Variants in DYSF observed in about 807,000 individuals in gnomAD.
DYSF encodes dysferlin, also known as dystrophy-associated fer-1-like 1.
Under a neutral mutation model 274.9 loss-of-function variants are expected in DYSF, and 212 were observed. The observed-to-expected ratio is 0.77, with a 90% CI of 0.69 to 0.86. DYSF has a LOEUF of 0.86. Ranked by LOEUF, DYSF falls within the 40% of genes least tolerant of loss-of-function variation. The pLI is 0.00. For missense variants in DYSF, 2,666 were observed against 2,783.2 expected (o/e 0.96, Z 0.95); for synonymous variants, 1,091 against 1,078.7 (o/e 1.01, Z -0.22).
At chr2:71,638,810 T>G (rs2094445840) in intron 41 of DYSF, among the ~76,000 whole-genome samples, 1 of 152,236 alleles carries the variant, frequency 6.6e-6, no homozygotes, top group Non-Finnish European at 1.5e-5. Flanking sequence ...CAAGTTTTTG[T>G]GTAGACATAA....
At chr2:71,466,980 T>G (rs542042455) in intron 1 of DYSF, 47 bp downstream of exon 1, 49 of 1,535,758 alleles carry the variant, frequency 3.2e-5, no homozygotes, top group Non-Finnish European at 4.2e-5. Flanking sequence ...GCTACCCGAC[T>G]CTCGGCGCTC....
At chr2:71,647,006 C>G (rs962803382) in intron 42 of DYSF, among the ~76,000 whole-genome samples, 3 of 121,798 alleles carry the variant, frequency 2.5e-5, no homozygotes, top group Non-Finnish European at 5.5e-5. Context: ...AATGAAAAGA[C>G]TCTCAAATAT....
Position 71,656,124 on chromosome 2 carries a change from TGTCTC to T in DYSF, c.4627-37_4627-33del, listed in dbSNP as rs754497319. 7 of 1,613,784 alleles carry T rather than the reference TGTCTC, an allele frequency of 4.3e-6. No homozygotes were observed. In the Admixed American group the frequency reaches 1.2e-4, roughly 27 times the overall value. On this transcript the variant is annotated intron_variant, in intron 42 of 55. Transcript: ENST00000410020. ...CTTTGCTGTTGTTCTACTTTCTTTC[TGTCTC>T]TTGTCCCCTCCTCTAATCCCCATGT...
intron 20 of DYSF, 60 bp from the exon 21 acceptor site, chr2:71,553,747 A>AGCCCCAAAAC: frequency 1.0e-5 from 9 of 872,676 alleles, no homozygotes; most frequent in Non-Finnish European, 1.4e-5. Flanking sequence ...CACTCTTAGC[A>AGCCCCAAAAC]CCCCATCCCA....
intron 33 of DYSF, among the ~76,000 whole-genome samples, chr2:71,599,555 C>T (rs74633702): frequency 0.051 from 7,688 of 152,036 alleles, 566 homozygotes; most frequent in African/African-American, 0.17. Context: ...GGTGTCAGTG[C>T]GAGGCAGAGG....
At chr2:71,682,753 T>C in intron 55 of DYSF, 76 bp downstream of exon 55, 1 of 1,547,748 alleles carries the variant, frequency 6.5e-7, no homozygotes, top group Non-Finnish European at 8.8e-7. Flanking sequence ...CTCAAAGAGC[T>C]CTCCCAGTCT....
intron 52 of DYSF, 76 bp downstream of exon 52, chr2:71,674,372 T>C (rs1235170837): frequency 2.8e-6 from 4 of 1,433,586 alleles, no homozygotes; most frequent in Non-Finnish European, 3.9e-6. Context: ...TATGCCACTG[T>C]TGGACCCTTG....
chr2:71,671,540 A>G (rs2095121898), intron 51 of DYSF, among the ~76,000 whole-genome samples: 1 of 152,220 alleles, frequency 6.6e-6, no homozygotes, highest in Non-Finnish European at 1.5e-5. Context: ...CTTCCTCATG[A>G]CAGGTGGAGA....
intron 3 of DYSF, among the ~76,000 whole-genome samples, chr2:71,490,543 T>A (rs4468839): frequency 0.27 from 40,611 of 151,850 alleles, 6,342 homozygotes; most frequent in East Asian, 0.64. Flanking sequence ...GCCAGGCTGG[T>A]CTTGGACTCC....
chr2:71,513,260 G>C lies in DYSF; in HGVS notation c.481G>C (p.Glu161Gln), dbSNP rs1362981162. 6.4e-7 allele frequency: 1 copy of C among 1,551,622 alleles called. No individual in the cohort carries two copies. Among genetic ancestry groups the C allele is most frequent in the Admixed American group, 2.0e-5 (1 of 50,998 alleles). The change falls in exon 6 of 56, where the codon GAG becomes CAG. Residue 161 changes from glutamate (E) to glutamine (Q), a missense_variant. Glu to Gln is a conservative substitution (Grantham distance 29). Coordinates refer to ENST00000410020, the MANE Select transcript of DYSF (RefSeq NM_001130987.2). ...VVAGGGQSRA[E>Q]TWSLLSDSTM... ...GACAGGCGGGGGACAGAGCCGGGCC[G>C]AGACTTGGTCCCTGCTCAGTGACAG...
intron 3 of DYSF, among the ~76,000 whole-genome samples, chr2:71,494,997 A>G (rs1183660084): frequency 2.0e-5 from 3 of 152,228 alleles, no homozygotes; most frequent in Non-Finnish European, 4.4e-5. Flanking sequence ...TGGGATGGGA[A>G]TGTGCAGAGA....
At chr2:71,644,127 C>T (rs767018034) in intron 42 of DYSF, 64 bp downstream of exon 42, 8 of 1,323,966 alleles carry the variant, frequency 6.0e-6, no homozygotes, top group East Asian at 4.8e-5. Flanking sequence ...GGAGACACAA[C>T]AGAAAGAGAG....
chr2:71,489,986 G>C (rs1485244479), intron 3 of DYSF, among the ~76,000 whole-genome samples: 1 of 152,148 alleles, frequency 6.6e-6, no homozygotes. Context: ...TGCCTGCTCA[G>C]TGCTTGGAAT....
At chr2:71,628,961 A>AG (rs1259191147) in intron 41 of DYSF, among the ~76,000 whole-genome samples, 4 of 152,046 alleles carry the variant, frequency 2.6e-5, no homozygotes. Context: ...CAAAAAAAAA[A>AG]AAATTTAAAA....
At chr2:71,603,675 T>C (rs1434233759) in intron 36 of DYSF, among the ~76,000 whole-genome samples, 2 of 152,152 alleles carry the variant, frequency 1.3e-5, no homozygotes, top group African/African-American at 4.8e-5. Context: ...TCGCTGTAAT[T>C]GCGCCTGACA....
At chr2:71,495,985 C>G (rs1347698367) in intron 3 of DYSF, among the ~76,000 whole-genome samples, 2 of 151,930 alleles carry the variant, frequency 1.3e-5, no homozygotes, top group African/African-American at 4.8e-5. Flanking sequence ...TCTGGGGTCT[C>G]TGCCAGCTAC....
chr2:71,622,495 A>C (rs183792163), intron 41 of DYSF, among the ~76,000 whole-genome samples: 3 of 152,302 alleles, frequency 2.0e-5, no homozygotes, highest in Admixed American at 6.5e-5. Flanking sequence ...GAGCAGACTT[A>C]TTTAGTCATT....
chr2:71,570,428 C>A, intron 28 of DYSF, 94 bp downstream of exon 28: 1 of 1,451,256 alleles, frequency 6.9e-7, no homozygotes, highest in Admixed American at 1.8e-5. Flanking sequence ...CTTCACTGGG[C>A]TATTTCACCC....
At chr2:71,575,486 G>A (rs908884112) in intron 30 of DYSF, among the ~76,000 whole-genome samples, 1 of 152,130 alleles carries the variant, frequency 6.6e-6, no homozygotes, top group Admixed American at 6.5e-5. Context: ...CTGGTCTTCC[G>A]GCCAGGGTCG....
Sources: gnomAD v4.1 joint callset for allele counts (sites outside exome capture counted in the v4.1 genomes callset) on GRCh38, gnomAD v4.1.1 for gene constraint, MANE v1.5 for transcripts, NCBI Gene and HGNC (gene_info 2026-07-23, HGNC 2026-07-21) for gene names.